Variants in LMOD1 observed in about 807,000 individuals in gnomAD.
LMOD1 encodes leiomodin-1.
A neutral mutation model predicts 36.5 loss-of-function variants in LMOD1; 8 were observed. That is an observed-to-expected ratio of 0.22 (90% confidence interval 0.13 to 0.40). LMOD1 has a LOEUF of 0.40. LMOD1 is among the 10% of genes least tolerant of loss of function. The probability of loss-of-function intolerance (pLI) is 1.00; values close to 1 mark genes in which losing one functional copy is unlikely to be tolerated. For synonymous variants in LMOD1, 284 were observed against 288.7 expected (o/e 0.98, Z 0.17); for missense variants, 630 against 751.1 (o/e 0.84, Z 1.88).
intron 1 of LMOD1, among the ~76,000 whole-genome samples, chr1:201,943,231 G>C (rs1477321333): frequency 1.3e-5 from 2 of 152,238 alleles, no homozygotes; most frequent in African/African-American, 4.8e-5. Context: ...GTATGGCAGA[G>C]AGGAAGAAGC....
At chr1:201,913,621 A>G (rs527291484) in intron 1 of LMOD1, among the ~76,000 whole-genome samples, 11 of 152,286 alleles carry the variant, frequency 7.2e-5, no homozygotes, top group Admixed American at 2.0e-4. Flanking sequence ...GAAAAAAAAT[A>G]AAAACTATGC....
At chr1:201,932,160 TCACAATAAC>T (rs1681934721) in intron 1 of LMOD1, among the ~76,000 whole-genome samples, 1 of 152,050 alleles carries the variant, frequency 6.6e-6, no homozygotes, top group African/African-American at 2.4e-5. Context: ...AGGATAATGT[TCACAATAAC>T]CATAGTAACA....
At chr1:201,931,844 T>C (rs1247939486) in intron 1 of LMOD1, among the ~76,000 whole-genome samples, 1 of 151,826 alleles carries the variant, frequency 6.6e-6, no homozygotes, top group East Asian at 1.9e-4. Context: ...AAGGTTGCAG[T>C]GAGCCATAAT....
At chr1:201,923,543 A>G (rs1681742265) in intron 1 of LMOD1, among the ~76,000 whole-genome samples, 1 of 152,074 alleles carries the variant, frequency 6.6e-6, no homozygotes, top group Non-Finnish European at 1.5e-5. Flanking sequence ...CAACATAGTG[A>G]GACCCTGTCT....
chr1:201,946,517 A>G lies in LMOD1; in HGVS notation c.-177T>C. The G allele has an allele frequency of 1.5e-6, 1 of 670,718 alleles. No homozygotes were observed. The highest frequency in any genetic ancestry group is 2.7e-5 in the East Asian group (1 of 36,452). 41.5% of individuals were successfully genotyped at this position (670,718 alleles called of 1,614,324 possible). ...AGGTGCTGAAGTGTTCACTGGACGCAGCAGCCTCCCTGAAGCCCAGGGCTA... is the reference window on the plus strand; with the variant it reads ...AGGTGCTGAAGTGTTCACTGGACGCGGCAGCCTCCCTGAAGCCCAGGGCTA... On this transcript the variant is annotated 5_prime_UTR_variant, in exon 1 of 3. Coordinates refer to ENST00000367288, the MANE Select transcript of LMOD1 (RefSeq NM_012134.3).
intron 1 of LMOD1, among the ~76,000 whole-genome samples, chr1:201,926,919 T>A (rs1259469767): frequency 6.6e-6 from 1 of 152,162 alleles, no homozygotes; most frequent in Non-Finnish European, 1.5e-5. Flanking sequence ...ATTGCACCAC[T>A]GCACCCCAGC....
chr1:201,933,147 C>T (rs1053124621), intron 1 of LMOD1, among the ~76,000 whole-genome samples: 2 of 152,072 alleles, frequency 1.3e-5, no homozygotes, highest in African/African-American at 4.8e-5. Flanking sequence ...GGTGTGGTGG[C>T]TCACGCTTGT....
At chr1:201,912,396 G>T (rs978383695) in intron 1 of LMOD1, among the ~76,000 whole-genome samples, 2 of 150,428 alleles carry the variant, frequency 1.3e-5, no homozygotes, top group Non-Finnish European at 3.0e-5. Flanking sequence ...CTCCCCCACA[G>T]CTCCCTTCAC....
chr1:201,942,464 G>C (rs1682133971), intron 1 of LMOD1, among the ~76,000 whole-genome samples: 1 of 152,134 alleles, frequency 6.6e-6, no homozygotes, highest in Admixed American at 6.5e-5. Flanking sequence ...GAATATTCAT[G>C]AAAAAGATGG....
chr1:201,910,744 C>CTTTTTTTTTTTTTTTTTT lies in LMOD1; in HGVS notation c.262-10011_262-9994dup, dbSNP rs58506647. Among the ~76,000 whole-genome samples the CTTTTTTTTTTTTTTTTTT allele has an allele frequency of 6.1e-5, 3 of 49,068 alleles. 1 individual carries two copies. Among genetic ancestry groups the CTTTTTTTTTTTTTTTTTT allele is most frequent in the Admixed American group, 3.5e-4 (1 of 2,820 alleles). The allele number at this position is 49,068 out of a possible 152,430, so 32.2% of individuals were successfully genotyped here. A position where few individuals can be genotyped will look rare whatever the true frequency, so the allele number is the denominator to read the frequency against. On this transcript the variant is annotated intron_variant, in intron 1 of 2. Transcript: ENST00000367288. ...TTCCCCTTTTGCAGATGGTGTCATT[C>CTTTTTTTTTTTTTTTTTT]TTTTTTTTTTTTTTTTTTTTTTTTT...
intron 1 of LMOD1, among the ~76,000 whole-genome samples, chr1:201,941,130 T>G (rs944319845): frequency 8.6e-5 from 13 of 151,760 alleles, no homozygotes; most frequent in Non-Finnish European, 1.3e-4. Flanking sequence ...AATTTAATTT[T>G]TAATTTTTTA....
intron 1 of LMOD1, among the ~76,000 whole-genome samples, chr1:201,940,349 G>A (rs1011831080): frequency 3.3e-5 from 5 of 151,522 alleles, no homozygotes; most frequent in African/African-American, 1.2e-4. Flanking sequence ...ACCACACCCA[G>A]TTAATTTTTG....
chr1:201,902,067 G>A (rs1215018483), intron 1 of LMOD1, among the ~76,000 whole-genome samples: 2 of 151,112 alleles, frequency 1.3e-5, no homozygotes, highest in African/African-American at 4.9e-5. Flanking sequence ...AAAGTGCTGA[G>A]ATCACAGGTG....
chr1:201,945,650 C>CA (rs879637345), intron 1 of LMOD1, among the ~76,000 whole-genome samples: 4 of 152,234 alleles, frequency 2.6e-5, no homozygotes, highest in East Asian at 1.9e-4. Context: ...TATTCTCCCA[C>CA]AAAAAATGGC....
chr1:201,909,710 G>A (rs749069106), intron 1 of LMOD1, among the ~76,000 whole-genome samples: 64 of 152,204 alleles, frequency 4.2e-4, no homozygotes, highest in African/African-American at 9.2e-4. Flanking sequence ...GTAGCTAACC[G>A]TGGTGAGTGC....
chr1:201,933,595 T>TTTTATATATATATATATATA (rs1553298744), intron 1 of LMOD1, among the ~76,000 whole-genome samples: 1 of 63,234 alleles, frequency 1.6e-5, no homozygotes, highest in African/African-American at 4.6e-5. Flanking sequence ...TATACATACA[T>TTTTATATATATATATATATA]TATATATATA....
chr1:201,925,057 A>C, intron 1 of LMOD1, among the ~76,000 whole-genome samples: 1 of 152,188 alleles, frequency 6.6e-6, no homozygotes, highest in Admixed American at 6.5e-5. Context: ...CTCTACTAAA[A>C]ATGCAAAAAT....
rs145603457 is a variant in LMOD1, at chr1:201,939,932, T to C, written c.261+6148A>G. Among the ~76,000 whole-genome samples the C allele has an allele frequency of 2.2e-3, 337 of 152,230 alleles. 1 individual carries two copies. Among genetic ancestry groups the C allele is most frequent in the African/African-American group, 7.8e-3 (326 of 41,530 alleles). ...GAGAGAAAGAGAGACTGAAGGAGGA[T>C]AGACAGATAAGACCGGGGCTTTGTC... On this transcript the variant is annotated intron_variant, in intron 1 of 2. Transcript: ENST00000367288.
At chr1:201,934,457 T>C (rs1254806762) in intron 1 of LMOD1, among the ~76,000 whole-genome samples, 1 of 152,198 alleles carries the variant, frequency 6.6e-6, no homozygotes, top group Non-Finnish European at 1.5e-5. Context: ...CTGCATTCTA[T>C]CCCTTTTTGC....
Sources: allele counts gnomAD v4.1 joint callset (sites outside exome capture counted in the v4.1 genomes callset), GRCh38; gene constraint gnomAD v4.1.1; transcripts MANE v1.5; gene names NCBI Gene and HGNC (gene_info 2026-07-23, HGNC 2026-07-21).